Variants in GALNT13 observed in about 807,000 individuals in gnomAD.
The protein encoded by GALNT13 is polypeptide N-acetylgalactosaminyltransferase 13, also known as UDP-GalNAc:polypeptide N-acetylgalactosaminyltransferase 13.
GALNT13 carries 28 observed loss-of-function variants against 64.2 expected under a neutral mutation model. The observed-to-expected ratio is 0.44, with a 90% CI of 0.32 to 0.60. The LOEUF is 0.60. Among genes scored for constraint, GALNT13 ranks in the 20% least tolerant of loss-of-function variants. GALNT13 has a pLI of 0.05. For synonymous variants in GALNT13, 214 were observed against 224.6 expected (o/e 0.95, Z 0.42); for missense variants, 577 against 669.8 (o/e 0.86, Z 1.53).
chr2:153,125,551 A>C, the GALNT13 span, among the ~76,000 whole-genome samples: 1 of 152,208 alleles, frequency 6.6e-6, no homozygotes, highest in Admixed American at 6.5e-5. Context: ...GACTGCATTA[A>C]TATAGTGATT....
the GALNT13 span, among the ~76,000 whole-genome samples, chr2:153,773,841 TTTTAAC>T: frequency 1.1e-4 from 17 of 152,184 alleles, no homozygotes; most frequent in Non-Finnish European, 1.8e-4. Flanking sequence ...ATCTGTCTCT[TTTTAAC>T]TTTAACTTTT....
At chr2:153,621,428 G>A in the GALNT13 span, among the ~76,000 whole-genome samples, 1 of 152,106 alleles carries the variant, frequency 6.6e-6, no homozygotes, top group South Asian at 2.1e-4. Context: ...TCTTGCCCAA[G>A]GTTTGCTGTA....
At chr2:153,167,316 A>G in the GALNT13 span, among the ~76,000 whole-genome samples, 1 of 152,204 alleles carries the variant, frequency 6.6e-6, no homozygotes, top group African/African-American at 2.4e-5. Flanking sequence ...TTGAATCTGG[A>G]CAGAGGCAGA....
At chr2:154,185,222 A>T (rs1446665171) in intron 4 of GALNT13, among the ~76,000 whole-genome samples, 4 of 152,060 alleles carry the variant, frequency 2.6e-5, no homozygotes, top group Non-Finnish European at 2.9e-5. Context: ...AGATAATTTC[A>T]TGAAGTTTCC....
chr2:153,664,913 A>T, the GALNT13 span, among the ~76,000 whole-genome samples: 1 of 152,180 alleles, frequency 6.6e-6, no homozygotes, highest in African/African-American at 2.4e-5. Context: ...CTGGACCACA[A>T]ATGGTAAACA....
At chr2:154,106,582 A>T (rs1702627495) in intron 3 of GALNT13, among the ~76,000 whole-genome samples, 1 of 151,790 alleles carries the variant, frequency 6.6e-6, no homozygotes, top group African/African-American at 2.4e-5. Flanking sequence ...TTATAGATTT[A>T]TAGATTATTA....
chr2:153,630,707 A>G, the GALNT13 span, among the ~76,000 whole-genome samples: 2 of 139,040 alleles, frequency 1.4e-5, no homozygotes, highest in African/African-American at 5.3e-5. Context: ...TTAATTCAAG[A>G]TGGATTAAAG....
At chr2:153,462,230 TA>T in the GALNT13 span, among the ~76,000 whole-genome samples, 2 of 152,162 alleles carry the variant, frequency 1.3e-5, no homozygotes, top group South Asian at 2.1e-4. Context: ...AAATAGTAGG[TA>T]AAAAAATCTT....
intron 2 of GALNT13, among the ~76,000 whole-genome samples, chr2:153,937,244 A>G (rs1391005232): frequency 6.6e-6 from 1 of 152,226 alleles, no homozygotes; most frequent in Non-Finnish European, 1.5e-5. Flanking sequence ...ATGTGCATCA[A>G]GTGATGAATG....
intron 10 of GALNT13, among the ~76,000 whole-genome samples, chr2:154,399,264 T>G (rs1191496465): frequency 6.6e-6 from 1 of 151,886 alleles, no homozygotes; most frequent in East Asian, 1.9e-4. Context: ...TTAATAAAAA[T>G]AAAAAAAGAA....
chr2:154,357,410 G>GT (rs1245791451), intron 9 of GALNT13, among the ~76,000 whole-genome samples: 11 of 151,944 alleles, frequency 7.2e-5, no homozygotes, highest in Admixed American at 7.2e-4. Flanking sequence ...GTTTGTCCTG[G>GT]TGTCCCAGTT....
At chr2:154,324,920 A>G (rs1415677597) in intron 9 of GALNT13, among the ~76,000 whole-genome samples, 1 of 152,104 alleles carries the variant, frequency 6.6e-6, no homozygotes, top group Non-Finnish European at 1.5e-5. Context: ...TGTGTTTTTC[A>G]GTGAAGAGAC....
chr2:153,852,913 T>C, the GALNT13 span, among the ~76,000 whole-genome samples: 1 of 152,152 alleles, frequency 6.6e-6, no homozygotes, highest in Non-Finnish European at 1.5e-5. Flanking sequence ...TTATGGAGTA[T>C]TGACTCACAG....
intron 9 of GALNT13, among the ~76,000 whole-genome samples, chr2:154,348,760 T>C (rs758800054): frequency 6.6e-6 from 1 of 152,038 alleles, no homozygotes; most frequent in Non-Finnish European, 1.5e-5. Flanking sequence ...GTCACTGTTA[T>C]TCTACAAGGT....
At chr2:153,181,690 T>C in the GALNT13 span, among the ~76,000 whole-genome samples, 8 of 145,984 alleles carry the variant, frequency 5.5e-5, no homozygotes, top group African/African-American at 2.0e-4. Context: ...AATATATTTA[T>C]ATAATTATAT....
chr2:153,940,424 A>C (rs1469632415), intron 2 of GALNT13, among the ~76,000 whole-genome samples: 2 of 151,666 alleles, frequency 1.3e-5, no homozygotes, highest in African/African-American at 2.4e-5. Context: ...CGCCCAGCTA[A>C]TTTTACATTT....
At chr2:153,812,634 G>A in the GALNT13 span, among the ~76,000 whole-genome samples, 1 of 152,134 alleles carries the variant, frequency 6.6e-6, no homozygotes, top group Non-Finnish European at 1.5e-5. Flanking sequence ...TTTAGCTGTG[G>A]CCATTCCTAC....
chr2:153,099,006 G>C, the GALNT13 span, among the ~76,000 whole-genome samples: 11 of 152,096 alleles, frequency 7.2e-5, no homozygotes, highest in Admixed American at 7.2e-4. Context: ...GCTGTAGTTC[G>C]AGCTACTCCG....
intron 3 of GALNT13, among the ~76,000 whole-genome samples, chr2:153,960,878 A>G (rs1221170278): frequency 6.6e-6 from 1 of 152,180 alleles, no homozygotes; most frequent in East Asian, 1.9e-4. Flanking sequence ...TTTATTCATT[A>G]ATTAAAACCA....
Sources: gnomAD v4.1 joint callset for allele counts (sites outside exome capture counted in the v4.1 genomes callset) on GRCh38, gnomAD v4.1.1 for gene constraint, MANE v1.5 for transcripts, NCBI Gene and HGNC (gene_info 2026-07-23, HGNC 2026-07-21) for gene names.